DCDC1: variants seen among roughly 807,000 people sequenced by gnomAD.
DCDC1 encodes doublecortin domain containing 1.
Under a neutral mutation model 178.3 loss-of-function variants are expected in DCDC1, and 200 were observed. That is an observed-to-expected ratio of 1.12 (90% CI 1.00 to 1.26). The LOEUF is 1.26. Ranked by LOEUF, DCDC1 falls within the 50% of genes most tolerant of loss-of-function variation. The pLI, the probability that DCDC1 is intolerant of heterozygous loss-of-function variation, is 0.00. For synonymous variants in DCDC1, 690 were observed against 604.8 expected, an observed-to-expected ratio of 1.14 and a Z score of -2.07; for missense variants, 1,983 against 1,749.2, an observed-to-expected ratio of 1.13 and a Z score of -2.38.
Position 30,863,634 on chromosome 11 carries a change from G to A in DCDC1, c.*1739C>T, listed in dbSNP as rs1940797727. 1 of 152,060 alleles carries A rather than the reference G, an allele frequency of 6.6e-6. No homozygotes were observed. Among genetic ancestry groups the A allele is most frequent in the African/African-American group, 2.4e-5 (1 of 41,400 alleles). 9.4% of individuals were successfully genotyped at this position (152,060 alleles called of 1,614,324 possible). Reference sequence around the variant, plus strand: ...TAAATCTACATGGTTTATTGTTTTTGAATAAAACAAAATAAGATATTACTA... The same window carrying A: ...TAAATCTACATGGTTTATTGTTTTTAAATAAAACAAAATAAGATATTACTA... On this transcript the variant is annotated 3_prime_UTR_variant, in exon 39 of 39. Transcript: ENST00000684477.
intron 21 of DCDC1, among the ~76,000 whole-genome samples, chr11:30,932,435 C>G (rs1022490376): frequency 6.6e-6 from 1 of 152,050 alleles, no homozygotes; most frequent in African/African-American, 2.4e-5. Flanking sequence ...TTGTAGAATT[C>G]AGTTACTTTT....
chr11:30,931,068 G>T (rs1946895556), intron 22 of DCDC1, among the ~76,000 whole-genome samples: 1 of 152,068 alleles, frequency 6.6e-6, no homozygotes, highest in African/African-American at 2.4e-5. Context: ...GAAAGGTCAA[G>T]AGGTAATATG....
Position 31,091,531 on chromosome 11 carries a change from G to T in DCDC1, c.2119-20C>A, listed in dbSNP as rs760244683. 21 of 727,130 alleles carry T rather than the reference G, an allele frequency of 2.9e-5. 1 individual carries two copies. The Middle Eastern group carries it at 6.8e-4, about 24-fold the overall frequency. The allele number at this position is 727,130 out of a possible 1,614,324, so 45.0% of individuals were successfully genotyped here. A position where few individuals can be genotyped will look rare whatever the true frequency, so the allele number is the denominator to read the frequency against. ...TCCAGTCTTCCAATGAATAGAGAGG[G>T]GGAGAAAGGTCTAAATAAGTTAAAA... On this transcript the variant is annotated intron_variant, in intron 16 of 38. Transcript: ENST00000684477.
intron 9 of DCDC1, among the ~76,000 whole-genome samples, chr11:31,145,444 G>A (rs1964340118): frequency 1.3e-5 from 2 of 152,182 alleles, no homozygotes; most frequent in Non-Finnish European, 2.9e-5. Context: ...GGAGCTGAAA[G>A]GTACATCATG....
chr11:30,876,887 C>T (rs970657712), intron 38 of DCDC1, among the ~76,000 whole-genome samples: 9 of 151,612 alleles, frequency 5.9e-5, no homozygotes, highest in Admixed American at 2.6e-4. Context: ...CCCTTTCCAA[C>T]GGGGAGCAAG....
At chr11:31,005,649 C>T (rs1020961076) in intron 20 of DCDC1, among the ~76,000 whole-genome samples, 1 of 152,114 alleles carries the variant, frequency 6.6e-6, no homozygotes, top group Non-Finnish European at 1.5e-5. Context: ...ATGCAAGTTG[C>T]AAACCTGGGA....
intron 12 of DCDC1, among the ~76,000 whole-genome samples, chr11:31,109,301 T>C (rs1171795812): frequency 2.0e-5 from 3 of 151,924 alleles, no homozygotes; most frequent in Non-Finnish European, 4.4e-5. Context: ...TTATTTTTTG[T>C]AGAGACAGGA....
At chr11:31,133,804 A>T (rs1018288260) in intron 10 of DCDC1, among the ~76,000 whole-genome samples, 1 of 152,136 alleles carries the variant, frequency 6.6e-6, no homozygotes, top group Non-Finnish European at 1.5e-5. Flanking sequence ...CCCGGGTTCA[A>T]GTGATTCTCC....
chr11:30,975,060 G>A (rs1259117464), intron 20 of DCDC1, among the ~76,000 whole-genome samples: 1 of 152,022 alleles, frequency 6.6e-6, no homozygotes, highest in Admixed American at 6.6e-5. Flanking sequence ...ATTCAAGGAT[G>A]GTTCAACATG....
At position 30,904,945 on chromosome 11, in the gene DCDC1, A is replaced by C; in HGVS notation, c.4308+16T>G. The C allele has an allele frequency of 1.9e-6, 3 of 1,613,606 alleles. No homozygotes were observed. The highest frequency in any genetic ancestry group is 2.5e-6 in the Non-Finnish European group (3 of 1,179,566). Reference sequence around the variant, plus strand: ...CCTCTGAAGATGCAAGCAGCATTTAAGTGATAGCCACTTACCATGGGGAAT... The same window carrying C: ...CCTCTGAAGATGCAAGCAGCATTTACGTGATAGCCACTTACCATGGGGAAT... On this transcript the variant is annotated intron_variant, in intron 31 of 38. Coordinates refer to ENST00000684477, the MANE Select transcript of DCDC1 (RefSeq NM_001387274.1).
intron 20 of DCDC1, among the ~76,000 whole-genome samples, chr11:30,973,879 A>T (rs1949953016): frequency 6.6e-6 from 1 of 151,882 alleles, no homozygotes; most frequent in Non-Finnish European, 1.5e-5. Context: ...TGCATGTTAG[A>T]CCAAATGGAC....
At position 31,250,365 on chromosome 11, in the gene DCDC1, A is replaced by C. The variant is rs566280400; in HGVS notation, c.1055-8749T>G. ...ATTTCTTTCCTGAAGAAAGTTATGA[A>C]AGGAATCAGAGTGAATGAATACACA... On this transcript the variant is annotated intron_variant, in intron 8 of 38. Transcript: ENST00000684477. 2.9e-5 allele frequency among the ~76,000 whole-genome samples: 4 copies of C among 138,164 alleles called. No homozygotes were observed. In the South Asian group the frequency reaches 9.8e-4, roughly 34 times the overall value. The allele number at this position is 138,164 out of a possible 152,430, so 90.6% of individuals were successfully genotyped here.
intron 20 of DCDC1, among the ~76,000 whole-genome samples, chr11:31,018,719 T>C (rs1026276611): frequency 6.6e-6 from 1 of 152,194 alleles, no homozygotes; most frequent in Non-Finnish European, 1.5e-5. Flanking sequence ...CTGATGAGAT[T>C]AGACAGCATG....
chr11:31,300,303 G>C (rs1948016262), intron 6 of DCDC1, among the ~76,000 whole-genome samples: 1 of 152,166 alleles, frequency 6.6e-6, no homozygotes, highest in Admixed American at 6.5e-5. Flanking sequence ...TTATTTTCCT[G>C]AGCCCAGCCA....
chr11:31,256,606 G>A (rs990522303), intron 8 of DCDC1, among the ~76,000 whole-genome samples: 5 of 152,150 alleles, frequency 3.3e-5, no homozygotes. Context: ...CAAGGGCTAT[G>A]TAGGGCTTTA....
intron 9 of DCDC1, among the ~76,000 whole-genome samples, chr11:31,178,253 T>C (rs943208849): frequency 3.9e-5 from 6 of 152,208 alleles, no homozygotes; most frequent in African/African-American, 1.4e-4. Context: ...CACAGTCACG[T>C]GATTTTCGAC....
chr11:31,236,591 C>T (rs1288015742), intron 9 of DCDC1, among the ~76,000 whole-genome samples: 1 of 151,640 alleles, frequency 6.6e-6, no homozygotes, highest in Non-Finnish European at 1.5e-5. Flanking sequence ...TAGAAAGAGA[C>T]ACAAGTTTAA....
intron 9 of DCDC1, among the ~76,000 whole-genome samples, chr11:31,213,896 G>C (rs2136586625): frequency 6.6e-6 from 1 of 151,726 alleles, no homozygotes; most frequent in African/African-American, 2.4e-5. Context: ...TTATATTGTT[G>C]AGTGTGTACA....
intron 9 of DCDC1, among the ~76,000 whole-genome samples, chr11:31,211,909 C>T (rs368030966): frequency 2.0e-5 from 3 of 151,888 alleles, no homozygotes; most frequent in African/African-American, 7.3e-5. Context: ...GGTGAAACTC[C>T]GTCTCTACTA....
Sources: gnomAD v4.1 joint callset for allele counts (sites outside exome capture counted in the v4.1 genomes callset) on GRCh38, gnomAD v4.1.1 for gene constraint, MANE v1.5 for transcripts, NCBI Gene and HGNC (gene_info 2026-07-23, HGNC 2026-07-21) for gene names.